LINGO2: variants seen among roughly 807,000 people sequenced by gnomAD.
LINGO2 encodes the protein leucine rich repeat and Ig domain containing 2.
LINGO2 carries 14 observed loss-of-function variants against 30.6 expected under a neutral mutation model. That is an observed-to-expected ratio of 0.46 (90% CI 0.30 to 0.72). The LOEUF (loss-of-function observed/expected upper bound fraction) is 0.72, where lower values mean the gene tolerates loss of function less well. Ranked by LOEUF, LINGO2 falls within the 30% of genes least tolerant of loss-of-function variation. LINGO2 has a pLI of 0.07. For synonymous variants in LINGO2, 317 were observed against 288.5 expected, an observed-to-expected ratio of 1.10 and a Z score of -1.00; for missense variants, 729 against 751.7, an observed-to-expected ratio of 0.97 and a Z score of 0.35.
chr9:29,021,581 C>T, the LINGO2 span, among the ~76,000 whole-genome samples: 4 of 151,868 alleles, frequency 2.6e-5, no homozygotes, highest in African/African-American at 9.7e-5. Context: ...TGCTTGAACC[C>T]AGAAGGCGGA....
chr9:28,884,197 T>A, the LINGO2 span, among the ~76,000 whole-genome samples: 2 of 152,106 alleles, frequency 1.3e-5, no homozygotes, highest in African/African-American at 4.8e-5. Context: ...CCCTTACAGT[T>A]TTTGTTTTGA....
chr9:29,113,915 A>T, the LINGO2 span, among the ~76,000 whole-genome samples: 1 of 152,062 alleles, frequency 6.6e-6, no homozygotes, highest in Non-Finnish European at 1.5e-5. Context: ...GAACAATAAC[A>T]TCTGCTTAAT....
At chr9:28,658,027 G>A (rs1828433928) in intron 1 of LINGO2, among the ~76,000 whole-genome samples, 1 of 151,776 alleles carries the variant, frequency 6.6e-6, no homozygotes, top group Admixed American at 6.6e-5. Context: ...TGAGTGTATT[G>A]TTTAATTTAC....
chr9:28,803,897 T>C, the LINGO2 span, among the ~76,000 whole-genome samples: 4 of 152,088 alleles, frequency 2.6e-5, no homozygotes, highest in Non-Finnish European at 5.9e-5. Flanking sequence ...TTTATTTATG[T>C]TTTGTAAAAT....
chr9:28,765,234 T>C, the LINGO2 span, among the ~76,000 whole-genome samples: 1 of 152,040 alleles, frequency 6.6e-6, no homozygotes, highest in East Asian at 1.9e-4. Context: ...GGCATCCCAC[T>C]TCATGATATC....
chr9:28,736,315 A>G, the LINGO2 span, among the ~76,000 whole-genome samples: 8 of 152,200 alleles, frequency 5.3e-5, no homozygotes, highest in Non-Finnish European at 1.0e-4. Context: ...TGGGTCAGCC[A>G]GCATAGGATG....
chr9:28,053,117 A>G lies in LINGO2; in HGVS notation c.-86-40712T>C, dbSNP rs370535979. Among the ~76,000 whole-genome samples the G allele has an allele frequency of 1.8e-4, 28 of 152,068 alleles. No individual in the cohort carries two copies. The South Asian group carries it at 5.8e-3, about 31-fold the overall frequency. ...CCCTGTGACAGGGGAACCATAAGGTATAATGAGAGTCATAGGAAGGCTCCA... is the reference window on the plus strand; with the variant it reads ...CCCTGTGACAGGGGAACCATAAGGTGTAATGAGAGTCATAGGAAGGCTCCA... On this transcript the variant is annotated intron_variant, in intron 4 of 5. Transcript: ENST00000379992.
the LINGO2 span, among the ~76,000 whole-genome samples, chr9:28,924,417 C>T: frequency 3.3e-5 from 5 of 152,128 alleles, no homozygotes; most frequent in South Asian, 4.1e-4. Context: ...GACAGGATTT[C>T]GTCATGTTGC....
intron 1 of LINGO2, among the ~76,000 whole-genome samples, chr9:28,655,609 G>A (rs558729084): frequency 2.6e-5 from 4 of 152,112 alleles, no homozygotes; most frequent in South Asian, 2.1e-4. Context: ...CATAATCCCC[G>A]CATGTTATGA....
chr9:28,199,440 G>A lies in LINGO2; in HGVS notation c.-87+95768C>T, dbSNP rs568648917. Among the ~76,000 whole-genome samples the A allele has an allele frequency of 2.7e-3, 411 of 151,596 alleles. 5 individuals are homozygous for A. The highest frequency in any genetic ancestry group is 9.4e-3 in the African/African-American group (390 of 41,350). On this transcript the variant is annotated intron_variant, in intron 4 of 5. Coordinates refer to ENST00000379992, the Ensembl canonical transcript of LINGO2. ...TGCAAGCTCCGCCTCCCGGGTTCAC[G>A]CCATTCTCCTGCCTCAGCCTCCCGA...
the LINGO2 span, among the ~76,000 whole-genome samples, chr9:29,194,341 C>G: frequency 6.6e-6 from 1 of 152,158 alleles, no homozygotes; most frequent in Non-Finnish European, 1.5e-5. Flanking sequence ...TTGCTACCAA[C>G]CCCTACTGCT....
chr9:28,562,826 T>G (rs1321930580), intron 1 of LINGO2, among the ~76,000 whole-genome samples: 1 of 151,972 alleles, frequency 6.6e-6, no homozygotes, highest in African/African-American at 2.4e-5. Flanking sequence ...TGAATAAAAC[T>G]TATTTATTTA....
chr9:28,606,289 T>A (rs1825691535), intron 1 of LINGO2, among the ~76,000 whole-genome samples: 2 of 152,010 alleles, frequency 1.3e-5, no homozygotes, highest in South Asian at 2.1e-4. Context: ...ATACTTTTAA[T>A]GTCAGAAAAG....
intron 4 of LINGO2, among the ~76,000 whole-genome samples, chr9:28,216,704 A>C (rs1317934272): frequency 6.6e-6 from 1 of 151,898 alleles, no homozygotes; most frequent in Non-Finnish European, 1.5e-5. Context: ...TTCCCCCTAA[A>C]TACAGCAAGG....
the LINGO2 span, among the ~76,000 whole-genome samples, chr9:28,690,092 G>A: frequency 3.9e-5 from 6 of 152,082 alleles, no homozygotes; most frequent in Non-Finnish European, 5.9e-5. Flanking sequence ...GTGGGAGGAC[G>A]GAGAGCATTA....
upstream of LINGO2, among the ~76,000 whole-genome samples, chr9:28,673,267 C>T (rs372684889): frequency 1.3e-5 from 2 of 152,034 alleles, no homozygotes; most frequent in Non-Finnish European, 2.9e-5. Flanking sequence ...AATGATAACA[C>T]CAGATGAGAA....
In LINGO2 at chr9:28,619,480, C is replaced by T. The variant is rs142367007; in HGVS notation, c.-365+50720G>A. Among the ~76,000 whole-genome samples, 437 of 152,114 alleles carry T rather than the reference C, an allele frequency of 2.9e-3. 2 individuals are homozygous for T. Among genetic ancestry groups the T allele is most frequent in the African/African-American group, 9.1e-3 (379 of 41,502 alleles). ...CACTTCTTTACAGACTTATTGGAAA[C>T]GATGAATAAGATACTGAATGTAATT... On this transcript the variant is annotated intron_variant, in intron 1 of 5. Coordinates refer to ENST00000379992, the Ensembl canonical transcript of LINGO2.
At chr9:28,416,492 G>T (rs1822972735) in intron 2 of LINGO2, among the ~76,000 whole-genome samples, 1 of 145,950 alleles carries the variant, frequency 6.9e-6, no homozygotes, top group African/African-American at 2.7e-5. Context: ...AATTAAATTT[G>T]CTTCAAGAGA....
At chr9:28,105,748 C>T (rs1826569591) in intron 4 of LINGO2, among the ~76,000 whole-genome samples, 2 of 151,954 alleles carry the variant, frequency 1.3e-5, no homozygotes, top group African/African-American at 2.4e-5. Context: ...CTTTCTCTCC[C>T]CACACACATG....
Sources: gnomAD v4.1 joint callset for allele counts (sites outside exome capture counted in the v4.1 genomes callset) on GRCh38, gnomAD v4.1.1 for gene constraint, MANE v1.5 for transcripts, NCBI Gene and HGNC (gene_info 2026-07-23, HGNC 2026-07-21) for gene names.